Variants in ADCY3 observed in about 807,000 individuals in gnomAD.
ADCY3 encodes the protein adenylate cyclase type 3.
In ADCY3, 70 loss-of-function variants were observed where a neutral mutation model predicts 119.4. The ratio of observed to expected loss-of-function variants is 0.59; its 90% confidence interval spans 0.48 to 0.72. ADCY3 has a LOEUF of 0.72. Ranked by LOEUF, ADCY3 falls within the 30% of genes least tolerant of loss-of-function variation. The probability of loss-of-function intolerance (pLI) is 0.00; values close to 1 mark genes in which losing one functional copy is unlikely to be tolerated. For synonymous variants in ADCY3, 672 were observed against 621.4 expected (o/e 1.08, Z -1.21); for missense variants, 1,238 against 1,541.6 (o/e 0.80, Z 3.30).
At chr2:24,859,965 G>C (rs781516382) in intron 3 of ADCY3, among the ~76,000 whole-genome samples, 19 of 152,198 alleles carry the variant, frequency 1.2e-4, no homozygotes, top group Admixed American at 2.6e-4. Flanking sequence ...GCATCCTCCT[G>C]TCTGAGGGTG....
intron 13 of ADCY3, among the ~76,000 whole-genome samples, chr2:24,829,412 ATTTTTTTTTTTT>A (rs67246369): frequency 7.4e-4 from 47 of 63,794 alleles, no homozygotes; most frequent in South Asian, 3.3e-3. Context: ...GTGTGCTCCA[ATTTTTTTTTTTT>A]TTTTTTTTTT....
At chr2:24,912,266 C>G (rs1663798085) in intron 2 of ADCY3, among the ~76,000 whole-genome samples, 1 of 147,394 alleles carries the variant, frequency 6.8e-6, no homozygotes, top group East Asian at 2.0e-4. Flanking sequence ...AGTTCAGGCC[C>G]AGCCTGGGCA....
chr2:24,894,366 T>C (rs1443909668), intron 2 of ADCY3, among the ~76,000 whole-genome samples: 1 of 152,052 alleles, frequency 6.6e-6, no homozygotes, highest in Non-Finnish European at 1.5e-5. Flanking sequence ...TCCCAGCTAC[T>C]TGGGAGGCTG....
At chr2:24,888,685 C>T (rs528874806) in intron 2 of ADCY3, among the ~76,000 whole-genome samples, 18 of 152,334 alleles carry the variant, frequency 1.2e-4, no homozygotes, top group African/African-American at 4.1e-4. Flanking sequence ...TTTCTTGGCT[C>T]ATATGTATAT....
intron 3 of ADCY3, among the ~76,000 whole-genome samples, chr2:24,863,469 T>C (rs1673924174): frequency 6.6e-6 from 1 of 152,216 alleles, no homozygotes; most frequent in South Asian, 2.1e-4. Flanking sequence ...CTTGTGATCA[T>C]GTGAGTCAAA....
intron 2 of ADCY3, among the ~76,000 whole-genome samples, chr2:24,900,179 C>T (rs542496274): frequency 1.2e-4 from 16 of 136,094 alleles, no homozygotes; most frequent in Middle Eastern, 3.6e-3. Context: ...GGCGAAATCT[C>T]GACTCACTGC....
At chr2:24,912,674 C>T (rs1210423694) in intron 2 of ADCY3, among the ~76,000 whole-genome samples, 1 of 152,056 alleles carries the variant, frequency 6.6e-6, no homozygotes, top group African/African-American at 2.4e-5. Flanking sequence ...TGGCCCAGCC[C>T]TGGGCTTCCG....
intron 2 of ADCY3, among the ~76,000 whole-genome samples, chr2:24,917,786 C>T (rs1664635584): frequency 6.6e-6 from 1 of 152,246 alleles, no homozygotes; most frequent in Admixed American, 6.5e-5. Flanking sequence ...ACAACTGCGT[C>T]TTCCCTCTGT....
chr2:24,887,698 C>T (rs1002444916), intron 2 of ADCY3, among the ~76,000 whole-genome samples: 4 of 152,258 alleles, frequency 2.6e-5, no homozygotes, highest in Admixed American at 2.0e-4. Flanking sequence ...GTGAAGAATG[C>T]AGCTCCAAAC....
intron 20 of ADCY3, 142 bp from the exon 21 acceptor site, chr2:24,820,990 T>G: frequency 8.1e-7 from 1 of 1,235,442 alleles, no homozygotes; most frequent in Non-Finnish European, 1.1e-6. Flanking sequence ...TGTATGCTAT[T>G]GGAGGGTGGA....
At chr2:24,820,316 G>T in intron 21 of ADCY3, 4 of 1,306,272 alleles carry the variant, frequency 3.1e-6, no homozygotes, top group Non-Finnish European at 3.9e-6. Context: ...GACTGGCTGG[G>T]GGCCTCCTCT....
intron 2 of ADCY3, among the ~76,000 whole-genome samples, chr2:24,876,201 G>A (rs1675693854): frequency 6.6e-6 from 1 of 152,176 alleles, no homozygotes; most frequent in Non-Finnish European, 1.5e-5. Context: ...TATTGCCCAG[G>A]CTAGTCTTGA....
chr2:24,829,826 CAA>C (rs1232765538), intron 13 of ADCY3, among the ~76,000 whole-genome samples: 1 of 151,466 alleles, frequency 6.6e-6, no homozygotes, highest in Non-Finnish European at 1.5e-5. Context: ...TGACAACTGA[CAA>C]GAGAACACTG....
chr2:24,879,281 G>A (rs1235619254), intron 2 of ADCY3, among the ~76,000 whole-genome samples: 1 of 151,928 alleles, frequency 6.6e-6, no homozygotes, highest in African/African-American at 2.4e-5. Context: ...GACCATCCTG[G>A]CTAACATGGT....
At chr2:24,821,014 G>A (rs1358601322) in intron 20 of ADCY3, 166 bp from the exon 21 acceptor site, 4 of 948,208 alleles carry the variant, frequency 4.2e-6, no homozygotes, top group Admixed American at 3.0e-5. Context: ...CACATCTCCT[G>A]TTTATCCGTG....
chr2:24,840,124 T>A, intron 6 of ADCY3, 93 bp from the exon 7 acceptor site: 1 of 1,496,986 alleles, frequency 6.7e-7, no homozygotes, highest in Non-Finnish European at 9.1e-7. Flanking sequence ...ATTGTGGGCC[T>A]CTTCCCCTCC....
intron 14 of ADCY3, 135 bp from the exon 15 acceptor site, chr2:24,827,743 T>C: frequency 1.4e-6 from 2 of 1,410,632 alleles, no homozygotes; most frequent in Non-Finnish European, 2.0e-6. Context: ...AGCCAAACAG[T>C]GATACGTCTG....
chr2:24,825,334 C>CGGCGGGGGGGGGGGG (rs1282144660), intron 16 of ADCY3, among the ~76,000 whole-genome samples: 1 of 81,574 alleles, frequency 1.2e-5, no homozygotes, highest in African/African-American at 6.8e-5. Flanking sequence ...GTGGTTGTGG[C>CGGCGGGGGGGGGGGG]GGGGGGGGGG....
chr2:24,821,945 G>T, intron 19 of ADCY3: 2 of 324,734 alleles, frequency 6.2e-6, no homozygotes, highest in Non-Finnish European at 5.7e-6. Context: ...TTGTCAGGTT[G>T]TCCTTGTTTG....
Sources: allele counts gnomAD v4.1 joint callset (sites outside exome capture counted in the v4.1 genomes callset), GRCh38; gene constraint gnomAD v4.1.1; transcripts MANE v1.5; gene names NCBI Gene and HGNC (gene_info 2026-07-23, HGNC 2026-07-21).